EYS: variants seen among roughly 807,000 people sequenced by gnomAD.
EYS encodes protein eyes shut homolog.
In EYS, 250 loss-of-function variants were observed where a neutral mutation model predicts 282.1. That is an observed-to-expected ratio of 0.89 (90% CI 0.80 to 0.98). The LOEUF (loss-of-function observed/expected upper bound fraction) is 0.98. EYS is among the 50% of genes least tolerant of loss of function. The pLI is 0.00. For synonymous variants in EYS, 1,355 were observed against 1,282.9 expected (o/e 1.06, Z -1.20); for missense variants, 4,016 against 3,709.0 (o/e 1.08, Z -2.15).
In EYS at chr6:63,726,679, A is replaced by G; in HGVS notation, c.8073T>C (p.Ala2691=). 2 of 1,550,378 alleles carry G rather than the reference A, an allele frequency of 1.3e-6. No homozygotes were observed. Among genetic ancestry groups the G allele is most frequent in the South Asian group, 1.2e-5 (1 of 83,824 alleles). ...LGTTGIYCEQ[A]LSISDPSFRS... ...TGAAAGATGGATCACTTATGGATAA[A>G]GCTGAGGGAAGGAGAGAAAGAGAAC... The change falls in exon 42 of 43, where the codon GCT becomes GCC. Residue 2691 remains alanine (A), a splice_region_variant and synonymous_variant. Coordinates refer to ENST00000503581, the MANE Select transcript of EYS (RefSeq NM_001142800.2).
intron 40 of EYS, among the ~76,000 whole-genome samples, chr6:63,776,757 A>C (rs931300689): frequency 1.3e-5 from 2 of 152,166 alleles, no homozygotes; most frequent in African/African-American, 2.4e-5. Flanking sequence ...GGAATAACGT[A>C]GGGTGGGGAT....
chr6:64,058,590 TCTTA>T (rs1332811226), intron 33 of EYS, among the ~76,000 whole-genome samples: 2 of 152,202 alleles, frequency 1.3e-5, no homozygotes, highest in Non-Finnish European at 2.9e-5. Flanking sequence ...TTCCCCTGAA[TCTTA>T]CTTTTCAACA....
chr6:64,223,706 A>T (rs1164712913), intron 31 of EYS, among the ~76,000 whole-genome samples: 2 of 152,016 alleles, frequency 1.3e-5, no homozygotes, highest in South Asian at 4.1e-4. Flanking sequence ...TACTTTATTT[A>T]TCTTTTATGT....
In EYS at chr6:64,150,039, G is replaced by T. The variant is rs571099725; in HGVS notation, c.6425-68037C>A. 2.7e-4 allele frequency among the ~76,000 whole-genome samples: 41 copies of T among 152,258 alleles called. No homozygotes were observed. In the East Asian group the frequency reaches 2.7e-3, roughly 10 times the overall value. ...GTAATACCAATTGTTTTCATAATTG[G>T]AACTATCCTGCAGTTCCTTTCATGT... On this transcript the variant is annotated intron_variant, in intron 31 of 42. Coordinates refer to ENST00000503581, the MANE Select transcript of EYS (RefSeq NM_001142800.2).
At chr6:63,976,227 A>G (rs1766830117) in intron 35 of EYS, among the ~76,000 whole-genome samples, 1 of 152,086 alleles carries the variant, frequency 6.6e-6, no homozygotes, top group Non-Finnish European at 1.5e-5. Context: ...ACCGTATATT[A>G]CCGTAGACTT....
At chr6:65,078,504 C>T (rs959860407) in intron 12 of EYS, among the ~76,000 whole-genome samples, 3 of 151,850 alleles carry the variant, frequency 2.0e-5, no homozygotes. Context: ...AGGAGTGTGA[C>T]CAGTATCTGA....
intron 12 of EYS, among the ~76,000 whole-genome samples, chr6:65,293,550 T>G (rs1388066772): frequency 1.3e-5 from 2 of 151,854 alleles, no homozygotes; most frequent in Admixed American, 1.3e-4. Context: ...ATGCTGTGTT[T>G]CATGGTAGTT....
chr6:64,766,646 A>AAC (rs1562179863), intron 22 of EYS, among the ~76,000 whole-genome samples: 23 of 14,026 alleles, frequency 1.6e-3, no homozygotes, highest in Non-Finnish European at 3.7e-3. Flanking sequence ...AAAAAAAAAA[A>AAC]AAAATATATA....
At chr6:64,166,074 A>G (rs752892505) in intron 31 of EYS, among the ~76,000 whole-genome samples, 1 of 152,158 alleles carries the variant, frequency 6.6e-6, no homozygotes, top group Non-Finnish European at 1.5e-5. Context: ...ATAGCATCTT[A>G]ATGTTGGAAG....
intron 35 of EYS, among the ~76,000 whole-genome samples, chr6:63,969,296 A>G (rs1306014026): frequency 6.6e-6 from 1 of 152,234 alleles, no homozygotes; most frequent in Non-Finnish European, 1.5e-5. Flanking sequence ...GGACAATTTC[A>G]TAATATAAAA....
chr6:64,737,735 A>C (rs1459496303), intron 22 of EYS, among the ~76,000 whole-genome samples: 1 of 152,224 alleles, frequency 6.6e-6, no homozygotes, highest in African/African-American at 2.4e-5. Flanking sequence ...GTGGATCCAC[A>C]ACATGCAGGA....
chr6:63,934,540 A>C (rs970054388), intron 35 of EYS, among the ~76,000 whole-genome samples: 11 of 152,204 alleles, frequency 7.2e-5, no homozygotes, highest in Non-Finnish European at 1.2e-4. Context: ...AAAATGTGGC[A>C]CATACACACC....
chr6:64,830,605 G>GT (rs1765184622), intron 19 of EYS, among the ~76,000 whole-genome samples: 1 of 151,942 alleles, frequency 6.6e-6, no homozygotes, highest in Non-Finnish European at 1.5e-5. Flanking sequence ...AGGAAGAGAA[G>GT]TATCAGATGC....
At chr6:64,959,574 A>G (rs1583333414) in intron 14 of EYS, among the ~76,000 whole-genome samples, 1 of 152,182 alleles carries the variant, frequency 6.6e-6, no homozygotes, top group East Asian at 1.9e-4. Context: ...CTGGTCCCAG[A>G]TGCTATGACA....
At chr6:64,628,574 A>T (rs553673819) in intron 22 of EYS, among the ~76,000 whole-genome samples, 6 of 152,096 alleles carry the variant, frequency 3.9e-5, no homozygotes, top group South Asian at 2.1e-4. Context: ...CACCTGCCTA[A>T]TTTTTGTGTG....
intron 24 of EYS, among the ~76,000 whole-genome samples, chr6:64,616,347 T>C (rs1767275133): frequency 1.3e-5 from 2 of 152,160 alleles, no homozygotes; most frequent in Non-Finnish European, 2.9e-5. Context: ...ATCGCTTTTG[T>C]AGCAGTAAGA....
chr6:64,154,448 A>G (rs1460692756), intron 31 of EYS, among the ~76,000 whole-genome samples: 1 of 144,778 alleles, frequency 6.9e-6, no homozygotes, highest in Non-Finnish European at 1.5e-5. Context: ...CTCAAAAAAA[A>G]AAAAAAAAAA....
intron 1 of EYS, among the ~76,000 whole-genome samples, chr6:65,661,469 C>T (rs563381403): frequency 6.6e-6 from 1 of 152,052 alleles, no homozygotes; most frequent in Non-Finnish European, 1.5e-5. Context: ...TTTCACAGAA[C>T]TTTATAACTT....
intron 19 of EYS, among the ~76,000 whole-genome samples, chr6:64,836,420 A>G (rs932229164): frequency 6.6e-6 from 1 of 151,432 alleles, no homozygotes; most frequent in African/African-American, 2.4e-5. Context: ...ACTAATGAAG[A>G]TCTTTATGCA....
Sources: gnomAD v4.1 joint callset for allele counts (sites outside exome capture counted in the v4.1 genomes callset) on GRCh38, gnomAD v4.1.1 for gene constraint, MANE v1.5 for transcripts, NCBI Gene and HGNC (gene_info 2026-07-23, HGNC 2026-07-21) for gene names.